Variants in C1GALT1 observed in about 807,000 individuals in gnomAD.
The protein encoded by C1GALT1 is glycoprotein-N-acetylgalactosamine 3-beta-galactosyltransferase 1.
A neutral mutation model predicts 31.0 loss-of-function variants in C1GALT1; 11 were observed. That is an observed-to-expected ratio of 0.36 (90% confidence interval 0.22 to 0.59). The LOEUF (loss-of-function observed/expected upper bound fraction) is 0.59, where lower values mean the gene tolerates loss of function less well. Among genes scored for constraint, C1GALT1 ranks in the 20% least tolerant of loss-of-function variants. The pLI, the probability that C1GALT1 is intolerant of heterozygous loss-of-function variation, is 0.79. For missense variants in C1GALT1, 424 were observed against 425.2 expected (o/e 1.00, Z 0.03); for synonymous variants, 175 against 143.6 (o/e 1.22, Z -1.56).
intron 1 of C1GALT1, among the ~76,000 whole-genome samples, chr7:7,216,144 T>C (rs1782229280): frequency 6.6e-6 from 1 of 152,174 alleles, no homozygotes; most frequent in South Asian, 2.1e-4. Context: ...GTTAAGGAAG[T>C]TCCAGTGTTT....
intron 2 of C1GALT1, among the ~76,000 whole-genome samples, chr7:7,158,283 A>G (rs1373388194): frequency 6.6e-6 from 1 of 152,174 alleles, no homozygotes; most frequent in African/African-American, 2.4e-5. Flanking sequence ...GCAGGGCTCT[A>G]TACCTGACTC....
Position 7,238,378 on chromosome 7 carries a change from G to T in C1GALT1, c.344G>T (p.Cys115Phe). The change falls in exon 3 of 4, where the codon TGT becomes TTT. Residue 115 changes from cysteine (C) to phenylalanine (F), a missense_variant. Cys to Phe is a radical substitution (Grantham distance 205, BLOSUM62 -2). Coordinates refer to ENST00000436587, the MANE Select transcript of C1GALT1 (RefSeq NM_020156.5). The surrounding 1 kb of genome is among the most constrained non-coding windows in gnomAD (Gnocchi z 5.2). ...KHVKATWAQR[C>F]NKVLFMSSEE... ...GTCAAAGCTACTTGGGCCCAGCGTT[G>T]TAACAAAGTGTTGTTTATGAGTTCA... 6.2e-7 allele frequency: 1 copy of T among 1,614,106 alleles called. No individual in the cohort carries two copies. Among genetic ancestry groups the T allele is most frequent in the Non-Finnish European group, 8.5e-7 (1 of 1,179,990 alleles).
chr7:7,217,208 C>T (rs904206759), intron 1 of C1GALT1, among the ~76,000 whole-genome samples: 2 of 152,020 alleles, frequency 1.3e-5, no homozygotes, highest in African/African-American at 2.4e-5. Flanking sequence ...TTAGATAAAA[C>T]GACATGGACA....
At chr7:7,172,758 C>G (rs1223665408) in intron 2 of C1GALT1, among the ~76,000 whole-genome samples, 1 of 152,226 alleles carries the variant, frequency 6.6e-6, no homozygotes, top group Admixed American at 6.5e-5. Context: ...CTATCAACAT[C>G]TCACACCAGA....
At chr7:7,170,031 C>A (rs1031396875) in intron 2 of C1GALT1, among the ~76,000 whole-genome samples, 4 of 152,080 alleles carry the variant, frequency 2.6e-5, no homozygotes, top group South Asian at 2.1e-4. Context: ...CAATCTCTGG[C>A]CTTGTTGTAG....
intron 1 of C1GALT1, among the ~76,000 whole-genome samples, chr7:7,199,869 T>G (rs561226129): frequency 2.0e-5 from 3 of 152,066 alleles, no homozygotes; most frequent in Non-Finnish European, 4.4e-5. Context: ...CAGCCCTTGC[T>G]TTTTTTTGTT....
Position 7,182,679 on chromosome 7 carries a change from T to A in C1GALT1, c.-159T>A. The A allele has an allele frequency of 8.3e-6, 4 of 480,230 alleles. No individual in the cohort carries two copies. The highest frequency in any genetic ancestry group is 1.1e-5 in the Non-Finnish European group (4 of 368,146). 29.7% of individuals were successfully genotyped at this position (480,230 alleles called of 1,614,324 possible). On this transcript the variant is annotated 5_prime_UTR_variant, in exon 1 of 4. Coordinates refer to ENST00000436587, the MANE Select transcript of C1GALT1 (RefSeq NM_020156.5). ...CCGCTGTGCTGCCGCTGCCGGGGAA[T>A]AATCTGGGCGGCAGCGGGCGGCCTC...
chr7:7,164,872 G>A (rs985203386), intron 2 of C1GALT1, among the ~76,000 whole-genome samples: 1 of 152,168 alleles, frequency 6.6e-6, no homozygotes, highest in African/African-American at 2.4e-5. Flanking sequence ...TGTCCTGAAG[G>A]AGGAACAGGG....
chr7:7,230,651 G>T (rs1319567498), intron 1 of C1GALT1, among the ~76,000 whole-genome samples: 9 of 100,728 alleles, frequency 8.9e-5, no homozygotes, highest in East Asian at 3.2e-4. Context: ...ACATTGCCTT[G>T]ATTTGGGGTA....
chr7:7,164,193 C>T (rs1583727099), intron 2 of C1GALT1, among the ~76,000 whole-genome samples: 1 of 152,090 alleles, frequency 6.6e-6, no homozygotes, highest in East Asian at 1.9e-4. Flanking sequence ...CTTTGACAAA[C>T]CTGAGAAAAA....
chr7:7,202,512 T>C (rs10215143), intron 1 of C1GALT1, among the ~76,000 whole-genome samples: 15,116 of 152,218 alleles, frequency 0.099, 929 homozygotes, highest in African/African-American at 0.16. Context: ...CTTGGCTCCC[T>C]TCCCAAAAAT....
chr7:7,227,103 G>A (rs958416269), intron 1 of C1GALT1, among the ~76,000 whole-genome samples: 2 of 151,950 alleles, frequency 1.3e-5, no homozygotes, highest in African/African-American at 4.8e-5. Context: ...GAGGATGGGG[G>A]TCATATTACA....
chr7:7,234,166 A>C, intron 1 of C1GALT1, 137 bp from the exon 2 acceptor site: 1 of 646,914 alleles, frequency 1.5e-6, no homozygotes. Context: ...CAGCAAATAG[A>C]GGGGTAAACT....
chr7:7,199,683 T>C (rs1417738401), intron 1 of C1GALT1, among the ~76,000 whole-genome samples: 1 of 152,200 alleles, frequency 6.6e-6, no homozygotes, highest in Non-Finnish European at 1.5e-5. Flanking sequence ...CGAAGTCTCT[T>C]TGTTGGTCTC....
Position 7,205,931 on chromosome 7 carries a change from C to G in C1GALT1, c.-18+23111C>G, listed in dbSNP as rs576262837. ...ATAAGGAGGAACTTCTGTCATTTTG[C>G]CATTTTTTTCTATGTGCTTTGTAGC... On this transcript the variant is annotated intron_variant, in intron 1 of 3. Coordinates refer to ENST00000436587, the MANE Select transcript of C1GALT1 (RefSeq NM_020156.5). Among the ~76,000 whole-genome samples, 88 of 152,124 alleles carry G rather than the reference C, an allele frequency of 5.8e-4. No individual in the cohort carries two copies. In the South Asian group the frequency reaches 0.018, roughly 31 times the overall value.
chr7:7,203,208 C>G (rs1005357691), intron 1 of C1GALT1, among the ~76,000 whole-genome samples: 1 of 149,922 alleles, frequency 6.7e-6, no homozygotes, highest in African/African-American at 2.5e-5. Context: ...TTTTTCTTTC[C>G]TAATTGCTCT....
intron 1 of C1GALT1, among the ~76,000 whole-genome samples, chr7:7,191,888 C>T (rs1047993264): frequency 4.6e-5 from 7 of 152,080 alleles, no homozygotes; most frequent in South Asian, 2.1e-4. Context: ...TCAGATAATA[C>T]GATTTGCCTG....
At chr7:7,223,215 G>T (rs1025361029) in intron 1 of C1GALT1, among the ~76,000 whole-genome samples, 1 of 152,152 alleles carries the variant, frequency 6.6e-6, no homozygotes, top group African/African-American at 2.4e-5. Flanking sequence ...CTGGAGTACA[G>T]TGGCGCGATC....
chr7:7,241,166 A>G (rs78025920), intron 3 of C1GALT1, among the ~76,000 whole-genome samples: 63 of 152,164 alleles, frequency 4.1e-4, no homozygotes, highest in African/African-American at 1.4e-3. Context: ...AATATGATCT[A>G]CTTTATTCAG....
Sources: allele counts gnomAD v4.1 joint callset (sites outside exome capture counted in the v4.1 genomes callset), GRCh38; gene constraint gnomAD v4.1.1; non-coding constraint Gnocchi (gnomAD v3.1); transcripts MANE v1.5; gene names NCBI Gene and HGNC (gene_info 2026-07-23, HGNC 2026-07-21).